Variants in NAALADL2 observed in about 807,000 individuals in gnomAD.
The protein encoded by NAALADL2 is N-acetylated alpha-linked acidic dipeptidase like 2.
A neutral mutation model predicts 87.2 loss-of-function variants in NAALADL2; 76 were observed. That is an observed-to-expected ratio of 0.87 (90% CI 0.72 to 1.05). The LOEUF is 1.05. Among genes scored for constraint, NAALADL2 ranks in the 50% least tolerant of loss-of-function variants. NAALADL2 has a pLI of 0.00. For missense variants in NAALADL2, 1,089 were observed against 945.8 expected (o/e 1.15, Z -1.99); for synonymous variants, 354 against 331.0 (o/e 1.07, Z -0.75).
intron 2 of NAALADL2, among the ~76,000 whole-genome samples, chr3:175,125,751 T>C (rs1726856044): frequency 1.3e-5 from 2 of 152,014 alleles, no homozygotes; most frequent in African/African-American, 4.8e-5. Flanking sequence ...AGAACATATG[T>C]TAAGTGCATA....
chr3:175,712,261 T>C (rs561658705), intron 11 of NAALADL2, among the ~76,000 whole-genome samples: 63 of 152,124 alleles, frequency 4.1e-4, no homozygotes, highest in African/African-American at 1.4e-3. Context: ...GACATTTCAA[T>C]GAGATTAATA....
intron 1 of NAALADL2, among the ~76,000 whole-genome samples, chr3:174,476,848 T>G (rs1277445151): frequency 6.6e-6 from 1 of 152,062 alleles, no homozygotes; most frequent in Non-Finnish European, 1.5e-5. Context: ...CAATTGAACT[T>G]TTGTGCAACA....
chr3:174,515,116 A>G (rs1560024395), intron 1 of NAALADL2, among the ~76,000 whole-genome samples: 1 of 152,288 alleles, frequency 6.6e-6, no homozygotes, highest in South Asian at 2.1e-4. Flanking sequence ...GTGAGTTTGG[A>G]GCAAGTTCTA....
chr3:175,257,370 T>C (rs1210072350), intron 4 of NAALADL2, among the ~76,000 whole-genome samples: 2 of 124,724 alleles, frequency 1.6e-5, no homozygotes, highest in Non-Finnish European at 3.5e-5. Flanking sequence ...ATCCTATGTC[T>C]GTTTTTTTTT....
chr3:174,893,659 T>A (rs1459338680), intron 1 of NAALADL2, among the ~76,000 whole-genome samples: 1 of 152,120 alleles, frequency 6.6e-6, no homozygotes, highest in Non-Finnish European at 1.5e-5. Context: ...TAATGGGTTA[T>A]AAAATAGTAT....
chr3:174,691,234 A>G (rs1364645896), intron 2 of NAALADL2, among the ~76,000 whole-genome samples: 1 of 152,090 alleles, frequency 6.6e-6, no homozygotes, highest in Non-Finnish European at 1.5e-5. Context: ...CAACATGGCA[A>G]AACCCCATTT....
chr3:175,535,439 G>C (rs1383183974), intron 9 of NAALADL2, among the ~76,000 whole-genome samples: 1 of 152,074 alleles, frequency 6.6e-6, no homozygotes, highest in Non-Finnish European at 1.5e-5. Context: ...CAGTTGTCTT[G>C]CTCGGTTTAT....
chr3:174,459,982 G>A (rs748586440), intron 1 of NAALADL2, among the ~76,000 whole-genome samples: 21 of 152,076 alleles, frequency 1.4e-4, no homozygotes, highest in Non-Finnish European at 2.9e-4. Flanking sequence ...AATACATGCT[G>A]CTAATTCAAA....
intron 3 of NAALADL2, among the ~76,000 whole-genome samples, chr3:174,773,178 A>G (rs1034444751): frequency 6.6e-6 from 1 of 152,182 alleles, no homozygotes; most frequent in Admixed American, 6.6e-5. Flanking sequence ...TCTATTCAGT[A>G]ATAGAGGTCC....
At chr3:175,359,608 C>A in intron 5 of NAALADL2, among the ~76,000 whole-genome samples, 1 of 151,950 alleles carries the variant, frequency 6.6e-6, no homozygotes, top group East Asian at 1.9e-4. Flanking sequence ...AATTTAATAG[C>A]TTGATACTGA....
intron 11 of NAALADL2, among the ~76,000 whole-genome samples, chr3:175,656,782 A>G (rs923987624): frequency 1.3e-5 from 2 of 151,822 alleles, no homozygotes; most frequent in African/African-American, 4.8e-5. Flanking sequence ...AACCAAATTC[A>G]TTAACTATCA....
intron 3 of NAALADL2, among the ~76,000 whole-genome samples, chr3:174,837,393 A>G (rs971719827): frequency 6.6e-6 from 1 of 152,248 alleles, no homozygotes; most frequent in African/African-American, 2.4e-5. Context: ...GAATACCTAA[A>G]GGAGATGGAT....
chr3:174,912,962 A>G (rs1028502837), intron 1 of NAALADL2, among the ~76,000 whole-genome samples: 2 of 152,318 alleles, frequency 1.3e-5, no homozygotes, highest in East Asian at 3.9e-4. Flanking sequence ...CATTGATGAT[A>G]TCTATATTTC....
chr3:175,114,869 T>C (rs1475007991), intron 2 of NAALADL2, among the ~76,000 whole-genome samples: 3 of 151,782 alleles, frequency 2.0e-5, no homozygotes, highest in African/African-American at 4.8e-5. Flanking sequence ...ATGACGTATA[T>C]TGGCTATAGT....
At chr3:175,788,312 G>C (rs1752358772) in intron 13 of NAALADL2, among the ~76,000 whole-genome samples, 1 of 151,822 alleles carries the variant, frequency 6.6e-6, no homozygotes, top group Admixed American at 6.6e-5. Flanking sequence ...GGCTGGTCTG[G>C]AACTCCTGAG....
chr3:174,690,882 C>CATGTTGTCAT (rs1339796532), intron 2 of NAALADL2, among the ~76,000 whole-genome samples: 5 of 152,056 alleles, frequency 3.3e-5, no homozygotes, highest in Non-Finnish European at 5.9e-5. Flanking sequence ...TGTGTGTGAA[C>CATGTTGTCAT]GTATGGCATG....
chr3:175,385,157 A>G (rs1768226088), intron 5 of NAALADL2, among the ~76,000 whole-genome samples: 1 of 152,100 alleles, frequency 6.6e-6, no homozygotes, highest in Non-Finnish European at 1.5e-5. Flanking sequence ...AATAGACCAC[A>G]TTTGTCTAAA....
chr3:175,124,438 A>G (rs1726621803), intron 2 of NAALADL2: 1 of 151,908 alleles, frequency 6.6e-6, no homozygotes, highest in Non-Finnish European at 1.5e-5. Context: ...GAAAGCCACC[A>G]CAGATCTAGG....
chr3:175,332,294 G>C (rs1397145321), intron 5 of NAALADL2, among the ~76,000 whole-genome samples: 3 of 152,102 alleles, frequency 2.0e-5, no homozygotes, highest in African/African-American at 7.2e-5. Flanking sequence ...AAGAAACCTG[G>C]AGACATTACA....
Sources: gnomAD v4.1 joint callset for allele counts (sites outside exome capture counted in the v4.1 genomes callset) on GRCh38, gnomAD v4.1.1 for gene constraint, MANE v1.5 for transcripts, NCBI Gene and HGNC (gene_info 2026-07-23, HGNC 2026-07-21) for gene names.